The following CEP131 variants were observed in gnomAD, a reference collection of about 807,000 sequenced individuals.
CEP131 encodes the protein centrosomal protein 131.
CEP131 carries 99 observed loss-of-function variants against 136.8 expected under a neutral mutation model. That is an observed-to-expected ratio of 0.72 (90% CI 0.62 to 0.86). CEP131 has a LOEUF of 0.86. Among genes scored for constraint, CEP131 ranks in the 40% least tolerant of loss-of-function variants. The pLI is 0.00. For missense variants in CEP131, 1,459 were observed against 1,463.0 expected, an observed-to-expected ratio of 1.00 and a Z score of 0.04; for synonymous variants, 646 against 612.7, an observed-to-expected ratio of 1.05 and a Z score of -0.80.
At chr17:81,216,848 C>T (rs1319088081) in intron 2 of CEP131, among the ~76,000 whole-genome samples, 1 of 152,230 alleles carries the variant, frequency 6.6e-6, no homozygotes, top group African/African-American at 2.4e-5. Context: ...CATCCTGTCT[C>T]CATTTTCCTG....
At chr17:81,220,128 T>C in intron 1 of CEP131, 55 bp from the exon 2 acceptor site, 1 of 1,331,874 alleles carries the variant, frequency 7.5e-7, no homozygotes, top group Non-Finnish European at 9.7e-7. Flanking sequence ...TACAGTCCCC[T>C]GCACCCACCA....
chr17:81,213,895 G>C (rs1052565527), intron 2 of CEP131, among the ~76,000 whole-genome samples: 3 of 152,178 alleles, frequency 2.0e-5, no homozygotes, highest in Admixed American at 2.0e-4. Context: ...CACCCAGTCT[G>C]ATCACGAGAA....
In CEP131 at chr17:81,193,989, C is replaced by A; in HGVS notation, c.2258G>T (p.Arg753Leu). The change falls in exon 18 of 26, where the codon CGG becomes CTG. Residue 753 changes from arginine (R) to leucine (L), a missense_variant. Physicochemically the swap from Arg to Leu is moderately radical, Grantham distance 102 (BLOSUM62 -2). Transcript: ENST00000450824. ...CTCCTTCTCCCGCTCCAGCTGCTCCCGCAGCTCCTCGGCCTGGCGCAGGCA... is the reference window on the plus strand; with the variant it reads ...CTCCTTCTCCCGCTCCAGCTGCTCCAGCAGCTCCTCGGCCTGGCGCAGGCA... ...QRCLRQAEEL[R>L]EQLEREKEAL... is the part of the protein sequence containing the mutation. The A allele has an allele frequency of 6.4e-7, 1 of 1,550,622 alleles. No individual in the cohort carries two copies. Among genetic ancestry groups the A allele is most frequent in the East Asian group, 2.4e-5 (1 of 42,486 alleles).
In CEP131 at chr17:81,203,915, A is replaced by G. The variant is rs1425074597; in HGVS notation, c.516-308T>C. On this transcript the variant is annotated intron_variant, in intron 5 of 25. Transcript: ENST00000450824. The surrounding 1 kb of genome is among the most constrained non-coding windows in gnomAD (Gnocchi z 4.6). ...GGCCAGCAGCTCACAATCAGCTTCC[A>G]GAGCAGACTCACAGAAGCGAAGCCC... 6.0e-6 allele frequency: 2 copies of G among 331,370 alleles called. No homozygotes were observed. The highest frequency in any genetic ancestry group is 1.1e-5 in the Non-Finnish European group (2 of 177,110). 20.5% of individuals were successfully genotyped at this position (331,370 alleles called of 1,614,324 possible).
Position 81,219,296 on chromosome 17 carries a change from C to CT in CEP131, c.177+583dup, listed in dbSNP as rs11382761. ...CCCCACAGGTCAACCCCATTTCTTT[C>CT]TTTTTTTTTTTTTTTTGAGATGGCA... is the stretch of plus-strand genomic sequence containing the variant. On this transcript the variant is annotated intron_variant, in intron 2 of 25. Transcript: ENST00000450824. This position sits in a 1 kb window ranked among gnomAD's most constrained non-coding sequence, Gnocchi z 4.0. 0.9 allele frequency among the ~76,000 whole-genome samples: 117,969 copies of CT among 131,402 alleles called. 53,354 individuals are homozygous for CT. Among genetic ancestry groups the CT allele is most frequent in the Non-Finnish European group, 0.95 (60,701 of 63,746 alleles). The allele number at this position is 131,402 out of a possible 152,430, so 86.2% of individuals were successfully genotyped here.
chr17:81,192,644 G>A (rs1225359958), intron 19 of CEP131, 51 bp from the exon 20 acceptor site: 1 of 1,521,686 alleles, frequency 6.6e-7, no homozygotes. Context: ...TAAGGAGTCA[G>A]GGATGGGAGA....
At chr17:81,210,293 C>G (rs1423876634) in intron 2 of CEP131, among the ~76,000 whole-genome samples, 1 of 152,178 alleles carries the variant, frequency 6.6e-6, no homozygotes, top group Non-Finnish European at 1.5e-5. Context: ...TGGAGACCGC[C>G]GGGCGCGGTG....
At position 81,220,070 on chromosome 17, in the gene CEP131, G is replaced by A. The variant is rs1349707862; in HGVS notation, c.-14C>T. ...GGTGCCTTTCATGGTGGACAAGGCA[G>A]GTCCTGAGCGGGGAAGCAAGAGCTG... On this transcript the variant is annotated 5_prime_UTR_variant, in exon 2 of 26. Transcript: ENST00000450824. The A allele has an allele frequency of 1.3e-6, 2 of 1,530,918 alleles. No individual in the cohort carries two copies. The highest frequency in any genetic ancestry group is 2.4e-5 in the East Asian group (1 of 41,132). 94.8% of individuals were successfully genotyped at this position (1,530,918 alleles called of 1,614,324 possible). A position where few individuals can be genotyped will look rare whatever the true frequency, so the allele number is the denominator to read the frequency against.
At position 81,208,490 on chromosome 17, in the gene CEP131, C is replaced by T. The variant is rs1194694997; in HGVS notation, c.272+438G>A. Among the ~76,000 whole-genome samples, 1 of 152,182 alleles carries T rather than the reference C, an allele frequency of 6.6e-6. No individual in the cohort carries two copies. The highest frequency in any genetic ancestry group is 1.5e-5 in the Non-Finnish European group (1 of 68,032). On this transcript the variant is annotated intron_variant, in intron 3 of 25. Transcript: ENST00000450824. This position sits in a 1 kb window ranked among gnomAD's most constrained non-coding sequence, Gnocchi z 5.6. The stretch of plus-strand genomic sequence containing the variant: ...GCCATTGAGGCAGCTCCTCCCCAGC[C>T]CGCTGGTTTGGAGGCCGCAAGGGAC...
intron 2 of CEP131, among the ~76,000 whole-genome samples, chr17:81,216,032 C>A (rs1174097432): frequency 6.6e-6 from 1 of 152,026 alleles, no homozygotes; most frequent in East Asian, 1.9e-4. Flanking sequence ...TAAGGACCAG[C>A]AACCTAGTGA....
At chr17:81,198,094 G>T in intron 12 of CEP131, 21 bp downstream of exon 12, 1 of 1,542,244 alleles carries the variant, frequency 6.5e-7, no homozygotes. Context: ...ACTGTGCAGG[G>T]CGGGCGCACA....
In CEP131 at chr17:81,208,117, C is replaced by T. The variant is rs537906828; in HGVS notation, c.272+811G>A. Among the ~76,000 whole-genome samples the T allele has an allele frequency of 6.6e-6, 1 of 150,414 alleles. No individual in the cohort carries two copies. The highest frequency in any genetic ancestry group is 6.6e-5 in the Admixed American group (1 of 15,156). ...CACACACTTATGCCACACACCCACA[C>T]ACCACACACATACCACACACACACA... On this transcript the variant is annotated intron_variant, in intron 3 of 25. Coordinates refer to ENST00000450824, the MANE Select transcript of CEP131 (RefSeq NM_014984.4). This position sits in a 1 kb window ranked among gnomAD's most constrained non-coding sequence, Gnocchi z 5.6.
At chr17:81,193,820 C>G (rs2061694038) in intron 18 of CEP131, 106 bp downstream of exon 18, 1 of 1,298,104 alleles carries the variant, frequency 7.7e-7, no homozygotes, top group Non-Finnish European at 1.0e-6. Context: ...GCATGCTGCA[C>G]TAAGACCCTC....
intron 12 of CEP131, 58 bp downstream of exon 12, chr17:81,198,057 C>T: frequency 6.7e-7 from 1 of 1,502,898 alleles, no homozygotes; most frequent in Non-Finnish European, 8.9e-7. Flanking sequence ...CCACCGCATG[C>T]TCTGTGTGAA....
At chr17:81,220,343 A>C (rs565986315) in intron 1 of CEP131, among the ~76,000 whole-genome samples, 31 of 152,300 alleles carry the variant, frequency 2.0e-4, no homozygotes, top group African/African-American at 7.5e-4. Context: ...GTGGGTGGGA[A>C]TAAGCCAGCA....
At chr17:81,221,884 C>G (rs968232867) in intron 1 of CEP131, among the ~76,000 whole-genome samples, 2 of 152,326 alleles carry the variant, frequency 1.3e-5, no homozygotes, top group Middle Eastern at 3.4e-3. Context: ...AGCCTATCGC[C>G]CAAGGTCACC....
intron 2 of CEP131, among the ~76,000 whole-genome samples, chr17:81,213,441 T>A (rs1567879075): frequency 2.6e-5 from 4 of 151,882 alleles, no homozygotes. Context: ...CGCCTGTAGT[T>A]CTAGCTACTC....
rs373853331 is a variant in CEP131, at chr17:81,191,350, G to A, written c.2623-15C>T. 9.3e-6 allele frequency: 15 copies of A among 1,612,082 alleles called. No individual in the cohort carries two copies. Among genetic ancestry groups the A allele is most frequent in the Admixed American group, 1.7e-5 (1 of 59,976 alleles). ...AGCCACGCCTCCTGGGGGGACATGC[G>A]CTGCCTGGGGGTTGCCACCCGGAGC... On this transcript the variant is annotated splice_polypyrimidine_tract_variant and intron_variant, in intron 21 of 25. Transcript: ENST00000450824.
chr17:81,207,577 T>G (rs2062035711), intron 3 of CEP131, among the ~76,000 whole-genome samples: 1 of 151,756 alleles, frequency 6.6e-6, no homozygotes, highest in Non-Finnish European at 1.5e-5. Context: ...CTCGAGCTCC[T>G]GGGCTCAAGA....
Sources: gnomAD v4.1 joint callset for allele counts (sites outside exome capture counted in the v4.1 genomes callset) on GRCh38, gnomAD v4.1.1 for gene constraint, Gnocchi (gnomAD v3.1) non-coding constraint, MANE v1.5 for transcripts, NCBI Gene and HGNC (gene_info 2026-07-23, HGNC 2026-07-21) for gene names.